Variants in CCDC47 observed in about 807,000 individuals in gnomAD.
CCDC47 encodes the protein coiled-coil domain containing 47.
Under a neutral mutation model 60.5 loss-of-function variants are expected in CCDC47, and 41 were observed. The ratio of observed to expected loss-of-function variants is 0.68; its 90% confidence interval spans 0.53 to 0.88. The LOEUF (loss-of-function observed/expected upper bound fraction) is 0.88, where lower values mean the gene tolerates loss of function less well. CCDC47 is among the 40% of genes least tolerant of loss of function. The pLI is 0.00. For missense variants in CCDC47, 513 were observed against 580.9 expected (o/e 0.88, Z 1.20); for synonymous variants, 195 against 190.7 (o/e 1.02, Z -0.18).
At chr17:63,769,998 T>C (rs2039325869) in intron 1 of CCDC47, among the ~76,000 whole-genome samples, 1 of 149,446 alleles carries the variant, frequency 6.7e-6, no homozygotes, top group Non-Finnish European at 1.5e-5. Context: ...TCTCACTCTG[T>C]AGCCCAGGTT....
At chr17:63,752,276 C>G (rs1207975130) in intron 11 of CCDC47, 44 bp downstream of exon 11, 1 of 1,496,444 alleles carries the variant, frequency 6.7e-7, no homozygotes, top group Admixed American at 1.8e-5. Context: ...TGAGAAGAAA[C>G]AAAAAAAGGT....
In CCDC47 at chr17:63,764,793, C is replaced by T. The variant is rs1171488544; in HGVS notation, c.319G>A (p.Asp107Asn). Residue 107 changes from aspartate to asparagine, a missense_variant, in exon 3 of 13, where the codon GAC (aspartate) becomes AAC (asparagine). Coordinates refer to ENST00000225726, the MANE Select transcript of CCDC47 (RefSeq NM_020198.3). ...YDDEEFEGYE[D>N]KPDTSSSKNK... The stretch of plus-strand genomic sequence containing the variant: ...TTGCTAGAAGAAGTATCTGGTTTGT[C>T]TTCATAACCTTCAAATTCTTCATCA... 4.3e-6 allele frequency: 7 copies of T among 1,613,332 alleles called. No homozygotes were observed. In the African/African-American group the frequency reaches 8.0e-5, roughly 18 times the overall value.
At chr17:63,763,543 A>C (rs1408433959) in intron 4 of CCDC47, among the ~76,000 whole-genome samples, 1 of 151,814 alleles carries the variant, frequency 6.6e-6, no homozygotes, top group Non-Finnish European at 1.5e-5. Flanking sequence ...AAAAATAAAA[A>C]GGCCGGGTGC....
rs556373740 is a variant in CCDC47 at position 63,746,204 on chromosome 17, G to T, written c.*677C>A. Reference sequence around the variant, plus strand: ...TCACTGGTTCGTGGTATCAGGTAAGGAAAAAATGATGCTCCTGTCCCTAGA... The same window carrying T: ...TCACTGGTTCGTGGTATCAGGTAAGTAAAAAATGATGCTCCTGTCCCTAGA... On this transcript the variant is annotated 3_prime_UTR_variant, in exon 13 of 13. Coordinates refer to ENST00000225726, the MANE Select transcript of CCDC47 (RefSeq NM_020198.3). 5.3e-4 allele frequency: 81 copies of T among 152,228 alleles called. No homozygotes were observed. Among genetic ancestry groups the T allele is most frequent in the African/African-American group, 1.8e-3 (76 of 41,536 alleles). 9.4% of individuals were successfully genotyped at this position (152,228 alleles called of 1,614,324 possible).
chr17:63,762,937 T>A (rs1464235891), intron 4 of CCDC47, among the ~76,000 whole-genome samples: 1 of 152,196 alleles, frequency 6.6e-6, no homozygotes, highest in Non-Finnish European at 1.5e-5. Flanking sequence ...ATTCTTATTT[T>A]TAGAAACAGG....
At chr17:63,752,663 C>A in intron 10 of CCDC47, 78 bp downstream of exon 10, 1 of 1,428,430 alleles carries the variant, frequency 7.0e-7, no homozygotes, top group African/African-American at 1.5e-5. Context: ...TTAAAGCTAT[C>A]ATTTAGGAGG....
intron 1 of CCDC47, among the ~76,000 whole-genome samples, chr17:63,772,206 C>T (rs2039348382): frequency 6.6e-6 from 1 of 151,798 alleles, no homozygotes; most frequent in Non-Finnish European, 1.5e-5. Context: ...TTGCTACTTG[C>T]CTCTTAGGGC....
rs2039368194 is a variant in CCDC47 at position 63,773,457 on chromosome 17, CCCTGCCCGG to C, written c.-74_-66del. 2 of 153,176 alleles carry C rather than the reference CCCTGCCCGG, an allele frequency of 1.3e-5. No homozygotes were observed. Among genetic ancestry groups the C allele is most frequent in the African/African-American group, 4.8e-5 (2 of 41,470 alleles). 9.5% of individuals were successfully genotyped at this position (153,176 alleles called of 1,614,324 possible). On this transcript the variant is annotated 5_prime_UTR_variant, in exon 1 of 13. Coordinates refer to ENST00000225726, the MANE Select transcript of CCDC47 (RefSeq NM_020198.3). ...CGGCCCAGCGCCCTGCGTCCGACAC[CCCTGCCCGG>C]CCTGCCTCTCGGCCTGGCCGCCGCC...
In CCDC47 at chr17:63,765,869, C is replaced by G. The variant is rs777891815; in HGVS notation, c.264+43G>C. ...TTAATTTTAATGTTTGGGAAAGGTG[C>G]TAGTTACAAATTTTTCCAATAAATT... On this transcript the variant is annotated intron_variant, in intron 2 of 12. Transcript: ENST00000225726. 15 of 1,561,744 alleles carry G rather than the reference C, an allele frequency of 9.6e-6. No individual in the cohort carries two copies. In the African/African-American group the frequency reaches 1.8e-4, roughly 19 times the overall value.
intron 4 of CCDC47, 142 bp downstream of exon 4, chr17:63,763,874 C>A: frequency 2.4e-6 from 1 of 418,350 alleles, no homozygotes. Context: ...AAAAAAAGAG[C>A]AGGGGGAATC....
chr17:63,752,387 A>T lies in CCDC47; in HGVS notation c.1136T>A (p.Leu379Gln), dbSNP rs972168633. 2 of 1,613,940 alleles carry T rather than the reference A, an allele frequency of 1.2e-6. No individual in the cohort carries two copies. Among genetic ancestry groups the T allele is most frequent in the Non-Finnish European group, 8.5e-7 (1 of 1,179,956 alleles). Residue 379 changes from leucine (L) to glutamine (Q), a missense_variant, in exon 11 of 13, where the codon CTG becomes CAG. Coordinates refer to ENST00000225726, the MANE Select transcript of CCDC47 (RefSeq NM_020198.3). ...AATCACCATGTTCATCAGGGGTAGC[A>T]GTGCCTCCATATCCTTTGGGTAAGT... is the stretch of plus-strand genomic sequence containing the variant. ...GNTYPKDMEA[L>Q]LPLMNMVIYS...
intron 1 of CCDC47, among the ~76,000 whole-genome samples, chr17:63,771,037 G>GAAAGAAAGAAAGAAAGAAAGAAAGA (rs1568253168): frequency 1.5e-4 from 8 of 54,706 alleles, no homozygotes; most frequent in African/African-American, 4.2e-4. Flanking sequence ...AGGAAGGAAG[G>GAAAGAAAGAAAGAAAGAAAGAAAGA]AAGGAAGGAA....
chr17:63,753,721 AG>A (rs2039183782), intron 9 of CCDC47: 1 of 690,778 alleles, frequency 1.4e-6, no homozygotes, highest in Non-Finnish European at 1.8e-6. Flanking sequence ...CTATTCAAAG[AG>A]GGAAGCCAGA....
intron 4 of CCDC47, among the ~76,000 whole-genome samples, chr17:63,763,487 T>C (rs982834134): frequency 6.6e-5 from 10 of 152,014 alleles, no homozygotes. Context: ...ATCATACCAC[T>C]GCACACAAGC....
intron 1 of CCDC47, among the ~76,000 whole-genome samples, chr17:63,772,242 T>C (rs1448580398): frequency 1.4e-5 from 2 of 145,518 alleles, no homozygotes; most frequent in Admixed American, 7.2e-5. Flanking sequence ...GGGAGATATG[T>C]ACCAAGGGTT....
At chr17:63,754,130 C>CA (rs751240055) in intron 9 of CCDC47, among the ~76,000 whole-genome samples, 4 of 151,864 alleles carry the variant, frequency 2.6e-5, no homozygotes, top group African/African-American at 9.7e-5. Flanking sequence ...CAAAACAAAA[C>CA]AAAAAAACCC....
At chr17:63,751,412 C>G (rs1270515296) in intron 12 of CCDC47, among the ~76,000 whole-genome samples, 5 of 94,136 alleles carry the variant, frequency 5.3e-5, no homozygotes, top group African/African-American at 6.9e-5. Context: ...AAATTTAGAG[C>G]TGGACTATGG....
At chr17:63,769,474 C>T (rs1210997842) in intron 1 of CCDC47, among the ~76,000 whole-genome samples, 1 of 150,780 alleles carries the variant, frequency 6.6e-6, no homozygotes, top group East Asian at 2.0e-4. Flanking sequence ...ATTAGCCGGG[C>T]ATGGTGACAG....
chr17:63,767,403 T>G (rs1228455443), intron 1 of CCDC47, among the ~76,000 whole-genome samples: 1 of 152,086 alleles, frequency 6.6e-6, no homozygotes, highest in Non-Finnish European at 1.5e-5. Flanking sequence ...TGTGACAAAA[T>G]ATGTGCCAAA....
Sources: allele counts gnomAD v4.1 joint callset (sites outside exome capture counted in the v4.1 genomes callset), GRCh38; gene constraint gnomAD v4.1.1; transcripts MANE v1.5; gene names NCBI Gene and HGNC (gene_info 2026-07-23, HGNC 2026-07-21).